HSF5: variants seen among roughly 807,000 people sequenced by gnomAD.
HSF5 encodes heat shock factor protein 5.
Under a neutral mutation model 50.8 loss-of-function variants are expected in HSF5, and 5 were observed. That is an observed-to-expected ratio of 0.10 (90% CI 0.05 to 0.21). HSF5 has a LOEUF of 0.21. Ranked by LOEUF, HSF5 falls within the 10% of genes least tolerant of loss-of-function variation. The probability of loss-of-function intolerance (pLI) is 1.00; values close to 1 mark genes in which losing one functional copy is unlikely to be tolerated. For synonymous variants in HSF5, 307 were observed against 307.4 expected, an observed-to-expected ratio of 1.00 and a Z score of 0.02; for missense variants, 564 against 762.6, an observed-to-expected ratio of 0.74 and a Z score of 3.07.
chr17:58,425,335 GGCGGAGGTTGCAGTGA>G (rs1361476345), intron 5 of HSF5, among the ~76,000 whole-genome samples: 3 of 151,800 alleles, frequency 2.0e-5, no homozygotes, highest in African/African-American at 4.8e-5. Context: ...GCATCTGGGA[GGCGGAGGTTGCAGTGA>G]GCCGAGATTG....
intron 2 of HSF5, among the ~76,000 whole-genome samples, chr17:58,477,367 G>A (rs549428563): frequency 1.3e-5 from 2 of 151,556 alleles, no homozygotes; most frequent in South Asian, 2.1e-4. Flanking sequence ...TGAATCGCCC[G>A]CCTCATCCTC....
chr17:58,466,117 T>C (rs1974862307), intron 3 of HSF5, among the ~76,000 whole-genome samples: 1 of 152,202 alleles, frequency 6.6e-6, no homozygotes, highest in Non-Finnish European at 1.5e-5. Context: ...ATTCCCAAGA[T>C]ATCTCATTAT....
intron 5 of HSF5, among the ~76,000 whole-genome samples, chr17:58,430,494 G>C (rs941331134): frequency 6.6e-6 from 1 of 152,120 alleles, no homozygotes; most frequent in South Asian, 2.1e-4. Context: ...GTCAGCCAGG[G>C]GCCCAGAGAG....
chr17:58,436,883 C>T (rs1271240157), intron 5 of HSF5, among the ~76,000 whole-genome samples: 1 of 151,888 alleles, frequency 6.6e-6, no homozygotes, highest in Non-Finnish European at 1.5e-5. Context: ...AGGTCTGGTG[C>T]TAGTACAAGG....
intron 5 of HSF5, among the ~76,000 whole-genome samples, chr17:58,450,566 C>A (rs1974625990): frequency 6.6e-6 from 1 of 151,008 alleles, no homozygotes; most frequent in African/African-American, 2.4e-5. Context: ...CCAGCCTGAC[C>A]AACATGGAGA....
intron 3 of HSF5, 114 bp from the exon 4 acceptor site, chr17:58,463,417 A>G: frequency 1.2e-6 from 1 of 814,968 alleles, no homozygotes; most frequent in Non-Finnish European, 1.9e-6. Flanking sequence ...AAACTTAAAG[A>G]TCACTAAGAA....
At chr17:58,465,100 G>A (rs1021508921) in intron 3 of HSF5, among the ~76,000 whole-genome samples, 1 of 150,412 alleles carries the variant, frequency 6.6e-6, no homozygotes, top group Non-Finnish European at 1.5e-5. Context: ...AAAGGTGCAT[G>A]CACCACTACA....
At chr17:58,483,037 C>CT (rs1215087056) in intron 1 of HSF5, among the ~76,000 whole-genome samples, 1 of 152,050 alleles carries the variant, frequency 6.6e-6, no homozygotes, top group African/African-American at 2.4e-5. Flanking sequence ...ACACCCCCTC[C>CT]TTTTTTTCTC....
intron 5 of HSF5, among the ~76,000 whole-genome samples, chr17:58,449,909 G>A (rs1237997155): frequency 6.8e-6 from 1 of 147,752 alleles, no homozygotes; most frequent in Non-Finnish European, 1.5e-5. Flanking sequence ...TGTAGTCCCA[G>A]CTACTTGGGA....
intron 5 of HSF5, among the ~76,000 whole-genome samples, chr17:58,434,974 C>A (rs138597399): frequency 6.6e-6 from 1 of 152,158 alleles, no homozygotes; most frequent in Non-Finnish European, 1.5e-5. Flanking sequence ...AAAGGACTGG[C>A]CCTTTTCCAT....
Position 58,488,334 on chromosome 17 carries a change from C to T in HSF5, c.-60G>A. ...TAGCTCTCCCACACCGTTCTCGATC[C>T]CTCCCCGGCCTTCGCCTCGCCCTGC... On this transcript the variant is annotated 5_prime_UTR_variant, in exon 1 of 6. Transcript: ENST00000323777. This position sits in a 1 kb window ranked among gnomAD's most constrained non-coding sequence, Gnocchi z 4.1. 7.3e-7 allele frequency: 1 copy of T among 1,376,582 alleles called. No homozygotes were observed. The highest frequency in any genetic ancestry group is 9.3e-7 in the Non-Finnish European group (1 of 1,073,210). 85.3% of individuals were successfully genotyped at this position (1,376,582 alleles called of 1,614,324 possible).
At chr17:58,476,680 G>A in intron 2 of HSF5, 2 of 1,577,456 alleles carry the variant, frequency 1.3e-6, no homozygotes, top group South Asian at 1.1e-5. Context: ...AGACACTTGT[G>A]GATGGTTGAC....
At position 58,464,823 on chromosome 17, in the gene HSF5, G is replaced by A. The variant is rs537231717; in HGVS notation, c.1021-1520C>T. On this transcript the variant is annotated intron_variant, in intron 3 of 5. Coordinates refer to ENST00000323777, the MANE Select transcript of HSF5 (RefSeq NM_001080439.3). The stretch of plus-strand genomic sequence containing the variant: ...AATTTTTGTACTTTTAGTAGAAACA[G>A]GGTTTCGCCATGTTGGCCAGGCTGG... 2.0e-5 allele frequency among the ~76,000 whole-genome samples: 3 copies of A among 152,186 alleles called. No homozygotes were observed. In the East Asian group the frequency reaches 5.8e-4, roughly 29 times the overall value.
At chr17:58,439,336 T>C (rs1974469552) in intron 5 of HSF5, among the ~76,000 whole-genome samples, 1 of 147,038 alleles carries the variant, frequency 6.8e-6, no homozygotes, top group Admixed American at 6.7e-5. Flanking sequence ...GAAACTGACA[T>C]ATGTTGTGGG....
At chr17:58,465,004 T>C (rs1315660448) in intron 3 of HSF5, among the ~76,000 whole-genome samples, 3 of 149,128 alleles carry the variant, frequency 2.0e-5, no homozygotes, top group East Asian at 2.0e-4. Context: ...GGCACAATCA[T>C]AGCTCACTAT....
intron 5 of HSF5, 44 bp downstream of exon 5, chr17:58,458,724 A>G (rs751627848): frequency 1.3e-6 from 2 of 1,493,500 alleles, no homozygotes; most frequent in Admixed American, 4.3e-5. Flanking sequence ...TTAATTCTAC[A>G]GCGTGATTCT....
At chr17:58,479,045 CCTT>C (rs754814996) in intron 2 of HSF5, among the ~76,000 whole-genome samples, 6 of 152,024 alleles carry the variant, frequency 3.9e-5, no homozygotes, top group Non-Finnish European at 7.4e-5. Context: ...TCAGGTTTCT[CCTT>C]CTCTCTGCTA....
chr17:58,444,166 G>A (rs1974530192), intron 5 of HSF5, among the ~76,000 whole-genome samples: 2 of 152,122 alleles, frequency 1.3e-5, no homozygotes, highest in Admixed American at 1.3e-4. Flanking sequence ...GCAATCTACA[G>A]TTCAATACAA....
chr17:58,480,178 T>A lies in HSF5; in HGVS notation c.640A>T (p.Ser214Cys). The change falls in exon 2 of 6, where the codon AGT (serine) becomes TGT (cysteine). Residue 214 changes from serine to cysteine, a missense_variant. Around this residue, in one of 5 missense-constraint regions of HSF5, gnomAD observed 441 missense variants for 533.6 expected, o/e 0.83. Transcript: ENST00000323777. ...TCTAAACCTTTCAGAGGGTAAGTAC[T>A]GTGGTCGTGGGATGGAGTTGATACA... ...SCVSTPSHDH[S>C]TYPLKGLDRT... 2 of 1,614,214 alleles carry A rather than the reference T, an allele frequency of 1.2e-6. No homozygotes were observed. The highest frequency in any genetic ancestry group is 1.1e-5 in the South Asian group (1 of 91,086).
Sources: allele counts gnomAD v4.1 joint callset (sites outside exome capture counted in the v4.1 genomes callset), GRCh38; gene constraint gnomAD v4.1.1; regional missense constraint gnomAD v4.1.1; non-coding constraint Gnocchi (gnomAD v3.1); transcripts MANE v1.5; gene names NCBI Gene and HGNC (gene_info 2026-07-23, HGNC 2026-07-21).